Variants in PCDHGA4 observed in about 807,000 individuals in gnomAD.
PCDHGA4 encodes the protein protocadherin gamma subfamily A, 4, also known as protocadherin gamma-A4.
In PCDHGA4, 38 loss-of-function variants were observed where a neutral mutation model predicts 54.6. The observed-to-expected ratio is 0.70, with a 90% CI of 0.54 to 0.91. The LOEUF (loss-of-function observed/expected upper bound fraction) is 0.91, where lower values mean the gene tolerates loss of function less well. Ranked by LOEUF, PCDHGA4 falls within the 40% of genes least tolerant of loss-of-function variation. The pLI is 0.00. For missense variants in PCDHGA4, 1,298 were observed against 1,220.9 expected (o/e 1.06, Z -0.94); for synonymous variants, 511 against 512.9 (o/e 1.00, Z 0.05).
At chr5:141,371,997 C>G in intron 1 of PCDHGA4, 6 of 1,613,232 alleles carry the variant, frequency 3.7e-6, no homozygotes, top group South Asian at 1.1e-5. Context: ...TCTGCAGGCC[C>G]GCGACCAGGG....
intron 1 of PCDHGA4, chr5:141,420,276 T>C: frequency 6.6e-7 from 1 of 1,523,250 alleles, no homozygotes; most frequent in Non-Finnish European, 8.9e-7. Context: ...CTTAAACAGG[T>C]AAGTATTTAA....
chr5:141,415,837 A>G (rs1232795581), intron 1 of PCDHGA4: 1 of 1,272,340 alleles, frequency 7.9e-7, no homozygotes, highest in Admixed American at 4.0e-5. Flanking sequence ...TGTTATGATT[A>G]GCTTTGCAGA....
chr5:141,483,637 G>C (rs1365525499), intron 1 of PCDHGA4, among the ~76,000 whole-genome samples: 2 of 145,762 alleles, frequency 1.4e-5, no homozygotes. Context: ...AAGGTATAGA[G>C]GGGTGTGTGT....
intron 1 of PCDHGA4, chr5:141,383,573 C>T: frequency 8.1e-6 from 13 of 1,613,346 alleles, no homozygotes; most frequent in Non-Finnish European, 1.1e-5. Context: ...CGATCCAGCA[C>T]CGCCCACATC....
chr5:141,468,282 G>A (rs1368214716), intron 1 of PCDHGA4, among the ~76,000 whole-genome samples: 1 of 140,012 alleles, frequency 7.1e-6, no homozygotes, highest in African/African-American at 2.7e-5. Context: ...CCGAGACCAC[G>A]CCATTGCACC....
intron 1 of PCDHGA4, among the ~76,000 whole-genome samples, chr5:141,402,220 C>T (rs1489596372): frequency 2.0e-5 from 3 of 151,886 alleles, no homozygotes; most frequent in African/African-American, 2.4e-5. Context: ...TTAAAATAAA[C>T]GTTTTTCCAG....
intron 1 of PCDHGA4, chr5:141,361,811 C>T: frequency 1.2e-6 from 2 of 1,613,098 alleles, no homozygotes; most frequent in Non-Finnish European, 1.7e-6. Context: ...AATGACAATG[C>T]GCCACGGGTG....
At chr5:141,394,064 C>G in intron 1 of PCDHGA4, 7 of 1,613,776 alleles carry the variant, frequency 4.3e-6, no homozygotes, top group Non-Finnish European at 5.9e-6. Flanking sequence ...ATGTCTCTAT[C>G]TACAATATCA....
Position 141,493,554 on chromosome 5 carries a change from G to A in PCDHGA4, c.2515-1253G>A, listed in dbSNP as rs2099748882. The stretch of plus-strand genomic sequence containing the variant: ...GGCCAGTTATCCTTTTGGAGATTGA[G>A]TTCCCCCAGCTCCGTTTCCTCCTAT... On this transcript the variant is annotated intron_variant, in intron 1 of 3. Coordinates refer to ENST00000571252, the MANE Select transcript of PCDHGA4 (RefSeq NM_018917.4). The surrounding 1 kb of genome is among the most constrained non-coding windows in gnomAD (Gnocchi z 4.3). 6.6e-6 allele frequency among the ~76,000 whole-genome samples: 1 copy of A among 152,166 alleles called. No homozygotes were observed. Among genetic ancestry groups the A allele is most frequent in the Admixed American group, 6.5e-5 (1 of 15,282 alleles).
intron 1 of PCDHGA4, chr5:141,422,606 C>A: frequency 6.2e-7 from 1 of 1,613,904 alleles, no homozygotes; most frequent in Non-Finnish European, 8.5e-7. Context: ...TCTTACTCTG[C>A]CTACATTCCC....
At chr5:141,387,774 G>C (rs2091089351) in intron 1 of PCDHGA4, 3 of 1,445,206 alleles carry the variant, frequency 2.1e-6, no homozygotes, top group East Asian at 2.5e-5. Context: ...ATTTTTTCTT[G>C]AACTGGAACT....
chr5:141,398,505 T>A (rs1561664724), intron 1 of PCDHGA4: 7 of 1,598,768 alleles, frequency 4.4e-6, no homozygotes, highest in Non-Finnish European at 6.0e-6. Context: ...TCGAGGACAT[T>A]AATGACCACA....
chr5:141,410,329 G>T, intron 1 of PCDHGA4: 1 of 1,613,982 alleles, frequency 6.2e-7, no homozygotes, highest in African/African-American at 1.3e-5. Context: ...CCGTGATTCT[G>T]GCCATTGCCT....
chr5:141,481,445 T>C (rs760413279), intron 1 of PCDHGA4, among the ~76,000 whole-genome samples: 2 of 152,260 alleles, frequency 1.3e-5, no homozygotes, highest in Non-Finnish European at 2.9e-5. Context: ...GTTTAGTACA[T>C]GTAAATACAC....
chr5:141,393,620 G>T (rs1335715353), intron 1 of PCDHGA4: 1 of 1,613,908 alleles, frequency 6.2e-7, no homozygotes, highest in Non-Finnish European at 8.5e-7. Flanking sequence ...CCAGCGACCC[G>T]GATGAGGGAA....
At chr5:141,363,723 G>T (rs1763043786) in intron 1 of PCDHGA4, among the ~76,000 whole-genome samples, 1 of 152,212 alleles carries the variant, frequency 6.6e-6, no homozygotes, top group African/African-American at 2.4e-5. Context: ...AAGGTGCATG[G>T]AGAACTGGGT....
Position 141,487,830 on chromosome 5 carries a change from T to C in PCDHGA4, c.2515-6977T>C, listed in dbSNP as rs1410090651. On this transcript the variant is annotated intron_variant, in intron 1 of 3. Transcript: ENST00000571252. This position sits in a 1 kb window ranked among gnomAD's most constrained non-coding sequence, Gnocchi z 5.0. ...TTTAGCATTGGGGGCGGGTCATGCC[T>C]ATATCTGAGTAAGAAATGAAAGTAA... The C allele has an allele frequency of 3.5e-6, 4 of 1,139,942 alleles. No homozygotes were observed. The highest frequency in any genetic ancestry group is 1.6e-5 in the African/African-American group (1 of 63,734). The allele number at this position is 1,139,942 out of a possible 1,614,324, so 70.6% of individuals were successfully genotyped here.
chr5:141,399,937 G>A lies in PCDHGA4; in HGVS notation c.2514+42316G>A. 1.9e-6 allele frequency: 3 copies of A among 1,612,360 alleles called. No individual in the cohort carries two copies. The highest frequency in any genetic ancestry group is 2.5e-6 in the Non-Finnish European group (3 of 1,179,744). ...ACACAACGCCTGGCTGTCCTACCAC[G>A]TGCTGCAGGCTAGCGAGCCCGGGCT... On this transcript the variant is annotated intron_variant, in intron 1 of 3. Transcript: ENST00000571252.
chr5:141,392,360 CAATCTGATCATTCTGATCT>C (rs1372415416), intron 1 of PCDHGA4: 2 of 152,712 alleles, frequency 1.3e-5, no homozygotes, highest in Non-Finnish European at 2.9e-5. Context: ...TCCGATGCTA[CAATCTGATCATTCTGATCT>C]AATCTGATCA....
Sources: gnomAD v4.1 joint callset for allele counts (sites outside exome capture counted in the v4.1 genomes callset) on GRCh38, gnomAD v4.1.1 for gene constraint, Gnocchi (gnomAD v3.1) non-coding constraint, MANE v1.5 for transcripts, NCBI Gene and HGNC (gene_info 2026-07-23, HGNC 2026-07-21) for gene names.